The following BLNK variants were observed in gnomAD, a reference collection of about 807,000 sequenced individuals.
BLNK encodes B cell linker.
BLNK carries 29 observed loss-of-function variants against 73.5 expected under a neutral mutation model. The ratio of observed to expected loss-of-function variants is 0.39; its 90% confidence interval spans 0.29 to 0.54. The LOEUF (loss-of-function observed/expected upper bound fraction) is 0.54, where lower values mean the gene tolerates loss of function less well. Among genes scored for constraint, BLNK ranks in the 20% least tolerant of loss-of-function variants. The pLI, the probability that BLNK is intolerant of heterozygous loss-of-function variation, is 0.61. For synonymous variants in BLNK, 176 were observed against 200.8 expected (o/e 0.88, Z 1.04); for missense variants, 460 against 562.8 (o/e 0.82, Z 1.85).
At chr10:96,268,819 C>T (rs571630204) in intron 1 of BLNK, among the ~76,000 whole-genome samples, 1 of 152,272 alleles carries the variant, frequency 6.6e-6, no homozygotes, top group Admixed American at 6.5e-5. Context: ...TTTGGATGGA[C>T]ACTCACTGTC....
intron 1 of BLNK, 77 bp from the exon 2 acceptor site, chr10:96,247,126 A>C: frequency 9.6e-7 from 1 of 1,041,804 alleles, no homozygotes; most frequent in South Asian, 1.5e-5. Flanking sequence ...CTCTTCTCGA[A>C]TACAAAAAAG....
intron 16 of BLNK, among the ~76,000 whole-genome samples, chr10:96,194,784 T>TTTTTTA (rs2083418556): frequency 6.8e-6 from 1 of 146,156 alleles, no homozygotes; most frequent in African/African-American, 2.5e-5. Context: ...TTTTTTTTTT[T>TTTTTTA]TTTTGAGACG....
chr10:96,252,602 G>C (rs1230676632), intron 1 of BLNK, among the ~76,000 whole-genome samples: 2 of 152,154 alleles, frequency 1.3e-5, no homozygotes, highest in East Asian at 3.9e-4. Flanking sequence ...CTTCTTTGCA[G>C]GACTGTTGAC....
chr10:96,230,762 A>G (rs782119414), intron 4 of BLNK, 32 bp downstream of exon 4: 3 of 1,600,860 alleles, frequency 1.9e-6, no homozygotes, highest in Admixed American at 3.5e-5. Context: ...TGGGACCCTG[A>G]TGCCCTCCTG....
intron 3 of BLNK, among the ~76,000 whole-genome samples, chr10:96,237,844 C>T (rs1842752590): frequency 6.6e-6 from 1 of 152,200 alleles, no homozygotes; most frequent in Non-Finnish European, 1.5e-5. Flanking sequence ...TCACCTTGGA[C>T]AGGATACTTA....
At chr10:96,248,925 A>G (rs781849634) in intron 1 of BLNK, among the ~76,000 whole-genome samples, 4 of 152,008 alleles carry the variant, frequency 2.6e-5, no homozygotes, top group Admixed American at 6.5e-5. Context: ...CATTTGTATT[A>G]TCTGTGTTAT....
chr10:96,250,732 G>A (rs948029064), intron 1 of BLNK, among the ~76,000 whole-genome samples: 2 of 152,196 alleles, frequency 1.3e-5, no homozygotes, highest in Non-Finnish European at 2.9e-5. Context: ...TGTTGCAAAA[G>A]AATTGGATGC....
In BLNK at chr10:96,190,747, G is replaced by A. The variant is rs2083314612; in HGVS notation, c.*1226C>T. 6.6e-6 allele frequency among the ~76,000 whole-genome samples: 1 copy of A among 152,188 alleles called. No homozygotes were observed. Among genetic ancestry groups the A allele is most frequent in the Non-Finnish European group, 1.5e-5 (1 of 68,032 alleles). Reference sequence around the variant, plus strand: ...CTTTATCACTTCACTGCTGTCTGAAGTACACAGTAGAAATATATGACAAAG... The same window carrying A: ...CTTTATCACTTCACTGCTGTCTGAAATACACAGTAGAAATATATGACAAAG... On this transcript the variant is annotated 3_prime_UTR_variant, in exon 17 of 17. Coordinates refer to ENST00000224337, the MANE Select transcript of BLNK (RefSeq NM_013314.4).
intron 1 of BLNK, among the ~76,000 whole-genome samples, chr10:96,270,362 A>G (rs1435354775): frequency 6.6e-6 from 1 of 152,200 alleles, no homozygotes; most frequent in Non-Finnish European, 1.5e-5. Flanking sequence ...TGTCTGCTAC[A>G]TGTGTCACAT....
chr10:96,217,508 T>G (rs2084095338), intron 6 of BLNK, among the ~76,000 whole-genome samples: 1 of 152,356 alleles, frequency 6.6e-6, no homozygotes, highest in Middle Eastern at 3.4e-3. Context: ...TCCTTGTGTG[T>G]GCAAAATGAT....
chr10:96,259,702 C>CT (rs1564852190), intron 1 of BLNK, among the ~76,000 whole-genome samples: 1 of 44,774 alleles, frequency 2.2e-5, no homozygotes, highest in Admixed American at 2.9e-4. Flanking sequence ...TTGCTTGTTT[C>CT]TTTTTTTTCC....
intron 1 of BLNK, among the ~76,000 whole-genome samples, chr10:96,263,294 G>A (rs1554913437): frequency 1.3e-5 from 2 of 152,216 alleles, no homozygotes; most frequent in African/African-American, 2.4e-5. Flanking sequence ...CCTGTGCTGC[G>A]TGTTCCCTAC....
chr10:96,200,200 C>G lies in BLNK; in HGVS notation c.1012-42G>C. 1 of 1,551,938 alleles carries G rather than the reference C, an allele frequency of 6.4e-7. No individual in the cohort carries two copies. Among genetic ancestry groups the G allele is most frequent in the Non-Finnish European group, 8.9e-7 (1 of 1,124,424 alleles). On this transcript the variant is annotated intron_variant, in intron 14 of 16. Coordinates refer to ENST00000224337, the MANE Select transcript of BLNK (RefSeq NM_013314.4). The surrounding 1 kb of genome is among the most constrained non-coding windows in gnomAD (Gnocchi z 4.3). Reference sequence around the variant, plus strand: ...ACTGGTCAGCATGGGATGGTCCCTACTTAACTCTAATTTCTGTGTACTAGA... The same window carrying G: ...ACTGGTCAGCATGGGATGGTCCCTAGTTAACTCTAATTTCTGTGTACTAGA...
intron 3 of BLNK, among the ~76,000 whole-genome samples, chr10:96,236,069 G>A (rs1554905036): frequency 1.3e-5 from 2 of 152,142 alleles, no homozygotes; most frequent in South Asian, 2.1e-4. Context: ...GACAGTACAG[G>A]ACTCTGTGGT....
intron 1 of BLNK, among the ~76,000 whole-genome samples, chr10:96,263,596 C>T (rs1488114267): frequency 6.6e-6 from 1 of 152,076 alleles, no homozygotes; most frequent in Non-Finnish European, 1.5e-5. Context: ...TCAGGTGTAG[C>T]TTCTGGTGGA....
intron 3 of BLNK, among the ~76,000 whole-genome samples, chr10:96,232,077 G>A (rs1303754017): frequency 1.3e-5 from 2 of 152,224 alleles, no homozygotes; most frequent in Non-Finnish European, 2.9e-5. Flanking sequence ...GAGAAACTTA[G>A]CATCTAGCCT....
intron 1 of BLNK, among the ~76,000 whole-genome samples, chr10:96,254,902 G>T (rs1291430478): frequency 6.6e-6 from 1 of 152,178 alleles, no homozygotes; most frequent in Non-Finnish European, 1.5e-5. Context: ...GTAGGTTAAA[G>T]AAATCGTCTT....
Position 96,199,937 on chromosome 10 carries a change from T to A in BLNK, c.1095+138A>T, listed in dbSNP as rs587626070. ...TGCTTGGGAGGCTGAGGCATGAGAA[T>A]CACTTGAACTTGGGAGGCAGGCAGA... On this transcript the variant is annotated intron_variant, in intron 15 of 16. Coordinates refer to ENST00000224337, the MANE Select transcript of BLNK (RefSeq NM_013314.4). The A allele has an allele frequency of 6.5e-4, 290 of 447,660 alleles. 2 individuals carry two copies. Among genetic ancestry groups the A allele is most frequent in the Admixed American group, 1.9e-3 (46 of 24,720 alleles). 27.7% of individuals were successfully genotyped at this position (447,660 alleles called of 1,614,324 possible).
At chr10:96,257,292 G>A (rs1427472854) in intron 1 of BLNK, among the ~76,000 whole-genome samples, 1 of 152,146 alleles carries the variant, frequency 6.6e-6, no homozygotes, top group African/African-American at 2.4e-5. Flanking sequence ...ACCTTTCCTC[G>A]GGGTGTGTCA....
Sources: allele counts gnomAD v4.1 joint callset (sites outside exome capture counted in the v4.1 genomes callset), GRCh38; gene constraint gnomAD v4.1.1; non-coding constraint Gnocchi (gnomAD v3.1); transcripts MANE v1.5; gene names NCBI Gene and HGNC (gene_info 2026-07-23, HGNC 2026-07-21).